The following PRKN variants were observed in gnomAD, a reference collection of about 807,000 sequenced individuals.
PRKN encodes E3 ubiquitin-protein ligase parkin.
A neutral mutation model predicts 59.5 loss-of-function variants in PRKN; 56 were observed. The ratio of observed to expected loss-of-function variants is 0.94; its 90% confidence interval spans 0.76 to 1.18. PRKN has a LOEUF of 1.18. PRKN is among the 50% of genes most tolerant of loss of function. The pLI, the probability that PRKN is intolerant of heterozygous loss-of-function variation, is 0.00. For synonymous variants in PRKN, 250 were observed against 222.1 expected, an observed-to-expected ratio of 1.13 and a Z score of -1.12; for missense variants, 657 against 596.4, an observed-to-expected ratio of 1.10 and a Z score of -1.06.
At chr6:162,255,659 G>A (rs1322677937) in intron 3 of PRKN, among the ~76,000 whole-genome samples, 1 of 152,146 alleles carries the variant, frequency 6.6e-6, no homozygotes, top group African/African-American at 2.4e-5. Context: ...GAGCCAAGAC[G>A]GGCTAAGTTG....
At chr6:162,143,385 C>G (rs557765444) in intron 4 of PRKN, among the ~76,000 whole-genome samples, 12 of 152,038 alleles carry the variant, frequency 7.9e-5, no homozygotes, top group Non-Finnish European at 1.8e-4. Flanking sequence ...CATAGAATGT[C>G]TTGGACCAAG....
At chr6:162,147,080 C>T (rs1782063104) in intron 4 of PRKN, among the ~76,000 whole-genome samples, 1 of 149,958 alleles carries the variant, frequency 6.7e-6, no homozygotes, top group Non-Finnish European at 1.5e-5. Flanking sequence ...GTAGCTCAGG[C>T]CTGTAATCCC....
intron 7 of PRKN, among the ~76,000 whole-genome samples, chr6:161,670,695 T>A (rs1007524887): frequency 1.3e-5 from 2 of 152,004 alleles, no homozygotes; most frequent in Admixed American, 1.3e-4. Flanking sequence ...GGGTGCCTGT[T>A]GTCCCAGCTA....
At chr6:162,523,534 G>A (rs9347658) in intron 1 of PRKN, among the ~76,000 whole-genome samples, 31,011 of 151,806 alleles carry the variant, frequency 0.2, 3,567 homozygotes, top group East Asian at 0.49. Context: ...GTGTGGTGGC[G>A]CACACCTGTA....
At chr6:161,979,189 T>G (rs1357361754) in intron 5 of PRKN, among the ~76,000 whole-genome samples, 1 of 152,076 alleles carries the variant, frequency 6.6e-6, no homozygotes, top group Admixed American at 6.6e-5. Flanking sequence ...ATAGCCTAAA[T>G]GATTTTATAC....
chr6:162,415,691 T>TCTGTAGTCCCAGCTA (rs1349819615), intron 2 of PRKN, among the ~76,000 whole-genome samples: 1 of 151,906 alleles, frequency 6.6e-6, no homozygotes, highest in Non-Finnish European at 1.5e-5. Context: ...GTGACACCCA[T>TCTGTAGTCCCAGCTA]CTGTAGTCCC....
chr6:161,432,179 A>G (rs1343572177), intron 9 of PRKN, among the ~76,000 whole-genome samples: 1 of 152,126 alleles, frequency 6.6e-6, no homozygotes, highest in East Asian at 1.9e-4. Flanking sequence ...AGATAGATTT[A>G]TTTTAGTTTG....
At chr6:162,350,284 C>A (rs1038222431) in intron 2 of PRKN, among the ~76,000 whole-genome samples, 1 of 152,112 alleles carries the variant, frequency 6.6e-6, no homozygotes, top group African/African-American at 2.4e-5. Flanking sequence ...CCAAATTCAT[C>A]TATAGATTCA....
intron 1 of PRKN, among the ~76,000 whole-genome samples, chr6:162,630,818 T>C (rs1783084286): frequency 6.6e-6 from 1 of 152,160 alleles, no homozygotes; most frequent in Non-Finnish European, 1.5e-5. Flanking sequence ...GGTTCCCAAG[T>C]TGATGATGAG....
chr6:162,126,365 C>T (rs1463935004), intron 4 of PRKN, among the ~76,000 whole-genome samples: 1 of 152,130 alleles, frequency 6.6e-6, no homozygotes, highest in African/African-American at 2.4e-5. Context: ...TTCTAAAGCC[C>T]TCAAGGATTG....
At chr6:162,241,144 G>A (rs1484872242) in intron 3 of PRKN, among the ~76,000 whole-genome samples, 2 of 152,094 alleles carry the variant, frequency 1.3e-5, no homozygotes, top group African/African-American at 2.4e-5. Context: ...TCTGTCTAAT[G>A]TCTTTTATGA....
At chr6:162,706,637 T>C (rs1778350470) in intron 1 of PRKN, among the ~76,000 whole-genome samples, 2 of 152,200 alleles carry the variant, frequency 1.3e-5, no homozygotes, top group African/African-American at 4.8e-5. Context: ...TGCTTCAGTT[T>C]CCTCCTGGGT....
At chr6:162,147,926 C>G (rs1035463475) in intron 4 of PRKN, among the ~76,000 whole-genome samples, 4 of 152,036 alleles carry the variant, frequency 2.6e-5, no homozygotes, top group Non-Finnish European at 5.9e-5. Flanking sequence ...CAGTCATGAA[C>G]AGCATAAAAG....
At chr6:162,251,795 A>G (rs942656886) in intron 3 of PRKN, among the ~76,000 whole-genome samples, 12 of 152,172 alleles carry the variant, frequency 7.9e-5, no homozygotes, top group Admixed American at 7.9e-4. Context: ...GTGTCTTTCC[A>G]TGCCATTAAA....
intron 2 of PRKN, 80 bp from the exon 3 acceptor site, chr6:162,262,845 C>T: frequency 1.3e-6 from 2 of 1,552,550 alleles, no homozygotes; most frequent in African/African-American, 1.4e-5. Flanking sequence ...TTTAACTTGC[C>T]CTCCGTGGTA....
At chr6:162,476,408 T>C (rs1486315146) in intron 1 of PRKN, among the ~76,000 whole-genome samples, 7 of 152,102 alleles carry the variant, frequency 4.6e-5, no homozygotes, top group Non-Finnish European at 1.0e-4. Flanking sequence ...ACTGTGTATA[T>C]GTAAAATTTT....
intron 9 of PRKN, among the ~76,000 whole-genome samples, chr6:161,421,786 T>C (rs982969290): frequency 7.2e-5 from 11 of 152,208 alleles, no homozygotes; most frequent in African/African-American, 2.7e-4. Context: ...AAAAAGTATT[T>C]TTTAAAAAGT....
chr6:161,713,363 T>C (rs369254997), intron 7 of PRKN, among the ~76,000 whole-genome samples: 15 of 152,016 alleles, frequency 9.9e-5, no homozygotes, highest in Admixed American at 2.0e-4. Context: ...TTCCCAGAGG[T>C]CAATGGGTGG....
chr6:162,430,157 A>G (rs1230890044), intron 2 of PRKN, among the ~76,000 whole-genome samples: 2 of 122,876 alleles, frequency 1.6e-5, no homozygotes, highest in Non-Finnish European at 3.4e-5. Flanking sequence ...GATGATGACG[A>G]TGACGACGAC....
Sources: allele counts gnomAD v4.1 joint callset (sites outside exome capture counted in the v4.1 genomes callset), GRCh38; gene constraint gnomAD v4.1.1; transcripts MANE v1.5; gene names NCBI Gene and HGNC (gene_info 2026-07-23, HGNC 2026-07-21).